The following HS2ST1 variants were observed in gnomAD, a reference collection of about 807,000 sequenced individuals.
The protein encoded by HS2ST1 is heparan sulfate 2-O-sulfotransferase 1, also known as 2-O-sulfotransferase.
A neutral mutation model predicts 42.9 loss-of-function variants in HS2ST1; 18 were observed. The observed-to-expected ratio is 0.42, with a 90% confidence interval of 0.29 to 0.62. The LOEUF is 0.62. HS2ST1 is among the 20% of genes least tolerant of loss of function. The pLI is 0.21. For missense variants in HS2ST1, 334 were observed against 433.8 expected (o/e 0.77, Z 2.04); for synonymous variants, 146 against 152.9 (o/e 0.95, Z 0.33).
chr1:86,964,944 T>C (rs1368485378), intron 1 of HS2ST1, among the ~76,000 whole-genome samples: 1 of 152,218 alleles, frequency 6.6e-6, no homozygotes, highest in Non-Finnish European at 1.5e-5. Flanking sequence ...GTAGTCATGG[T>C]AGATTTGCAC....
At chr1:86,965,232 C>G (rs1378164830) in intron 1 of HS2ST1, among the ~76,000 whole-genome samples, 3 of 152,082 alleles carry the variant, frequency 2.0e-5, no homozygotes, top group African/African-American at 7.2e-5. Context: ...CTGGCTCTCT[C>G]TTGTTCCTTC....
intron 1 of HS2ST1, among the ~76,000 whole-genome samples, chr1:87,026,204 G>T (rs1221802727): frequency 6.6e-6 from 1 of 152,114 alleles, no homozygotes; most frequent in Non-Finnish European, 1.5e-5. Flanking sequence ...ACAGTTCCCA[G>T]TGAAGTCACC....
intron 1 of HS2ST1, among the ~76,000 whole-genome samples, chr1:87,040,710 C>T (rs1650498797): frequency 6.6e-6 from 1 of 151,924 alleles, no homozygotes; most frequent in Admixed American, 6.6e-5. Flanking sequence ...TAATTAGGCA[C>T]ATAGGCAAGA....
At position 87,103,553 on chromosome 1, in the gene HS2ST1, C is replaced by T. The variant is rs199696267; in HGVS notation, c.808C>T (p.Arg270Trp). The change falls in exon 6 of 7, where the codon CGG becomes TGG. Residue 270 changes from arginine (R) to tryptophan (W), a missense_variant. Transcript: ENST00000370550. The stretch of plus-strand genomic sequence containing the variant: ...CATGTTATTGGAGGCAGCATTGCCC[C>T]GGTTTTTCAGGGGTGCTACTGAACT... Reference protein sequence around the residue: ...FIMLLEAALPRFFRGATELYR... With the variant: ...FIMLLEAALPWFFRGATELYR... 5.0e-6 allele frequency: 8 copies of T among 1,610,958 alleles called. No homozygotes were observed. The highest frequency in any genetic ancestry group is 1.3e-5 in the African/African-American group (1 of 74,714).
intron 1 of HS2ST1, among the ~76,000 whole-genome samples, chr1:86,923,331 G>A (rs1188944883): frequency 6.6e-6 from 1 of 151,886 alleles, no homozygotes; most frequent in Non-Finnish European, 1.5e-5. Flanking sequence ...GTGGCAGAAG[G>A]CAAGGAGAAG....
chr1:87,015,081 G>A (rs745739951), intron 1 of HS2ST1, among the ~76,000 whole-genome samples: 9 of 151,736 alleles, frequency 5.9e-5, no homozygotes, highest in East Asian at 1.9e-4. Context: ...ACAGAGTGTC[G>A]CTCTGTCACC....
chr1:87,034,898 G>A (rs889281293), intron 1 of HS2ST1, among the ~76,000 whole-genome samples: 1 of 152,194 alleles, frequency 6.6e-6, no homozygotes, highest in Admixed American at 6.5e-5. Flanking sequence ...AGGATCTTGA[G>A]ATGGGGCGAT....
intron 2 of HS2ST1, among the ~76,000 whole-genome samples, chr1:87,079,132 CT>C (rs11454448): frequency 0.038 from 5,563 of 147,834 alleles, 159 homozygotes; most frequent in African/African-American, 0.079. Flanking sequence ...GTAAATGATA[CT>C]TTTTTTTTTT....
chr1:86,944,231 A>G (rs570067617), intron 1 of HS2ST1, among the ~76,000 whole-genome samples: 1 of 152,300 alleles, frequency 6.6e-6, no homozygotes, highest in South Asian at 2.1e-4. Flanking sequence ...GAAGACAGGG[A>G]ACTTCTGAGG....
chr1:87,041,223 A>C, intron 1 of HS2ST1, among the ~76,000 whole-genome samples: 2 of 76,792 alleles, frequency 2.6e-5, no homozygotes, highest in Admixed American at 2.2e-4. Flanking sequence ...CCTTGTCTCT[A>C]CTAAAAAAAA....
intron 1 of HS2ST1, among the ~76,000 whole-genome samples, chr1:87,007,834 A>T (rs140503973): frequency 1.3e-5 from 2 of 152,094 alleles, no homozygotes; most frequent in African/African-American, 4.8e-5. Context: ...TGCTGTGTTT[A>T]TTATTTTCTG....
chr1:87,057,565 C>CTTT (rs33933183), intron 1 of HS2ST1, among the ~76,000 whole-genome samples: 23 of 141,322 alleles, frequency 1.6e-4, no homozygotes, highest in African/African-American at 2.3e-4. Flanking sequence ...CCAGAAGGCA[C>CTTT]TTTTTTTTTT....
intron 2 of HS2ST1, 44 bp from the exon 3 acceptor site, chr1:87,084,150 A>T (rs1247741483): frequency 8.0e-7 from 1 of 1,252,552 alleles, no homozygotes; most frequent in South Asian, 1.5e-5. Flanking sequence ...ATCAAATTTC[A>T]TTTTCTTTAA....
intron 2 of HS2ST1, among the ~76,000 whole-genome samples, chr1:87,080,043 C>A (rs948397569): frequency 1.3e-5 from 2 of 151,978 alleles, no homozygotes; most frequent in Non-Finnish European, 2.9e-5. Context: ...GAATGAGATT[C>A]TGTCTCAAGA....
chr1:86,962,354 T>G (rs1647871524), intron 1 of HS2ST1, among the ~76,000 whole-genome samples: 2 of 152,072 alleles, frequency 1.3e-5, no homozygotes, highest in Admixed American at 1.3e-4. Context: ...ATAACACAGA[T>G]AATTATAAAA....
intron 4 of HS2ST1, among the ~76,000 whole-genome samples, chr1:87,095,822 C>A (rs1430050158): frequency 6.6e-6 from 1 of 151,904 alleles, no homozygotes; most frequent in Non-Finnish European, 1.5e-5. Flanking sequence ...AATATTAAAA[C>A]AATAGTAAAG....
intron 4 of HS2ST1, among the ~76,000 whole-genome samples, chr1:87,095,867 A>G (rs1284476246): frequency 1.3e-5 from 2 of 152,028 alleles, no homozygotes; most frequent in South Asian, 2.1e-4. Flanking sequence ...TTTAATGCAC[A>G]TAACTATTTC....
At chr1:87,059,274 T>C (rs112990157) in intron 1 of HS2ST1, among the ~76,000 whole-genome samples, 105 of 152,348 alleles carry the variant, frequency 6.9e-4, no homozygotes, top group African/African-American at 2.5e-3. Context: ...CTCAGGCTTT[T>C]ATGCCTTCTC....
intron 5 of HS2ST1, among the ~76,000 whole-genome samples, chr1:87,099,001 C>T (rs981451423): frequency 5.9e-5 from 9 of 152,158 alleles, no homozygotes. Flanking sequence ...TGGTCTCGAA[C>T]TCCTGACCTC....
Sources: allele counts gnomAD v4.1 joint callset (sites outside exome capture counted in the v4.1 genomes callset), GRCh38; gene constraint gnomAD v4.1.1; transcripts MANE v1.5; gene names NCBI Gene and HGNC (gene_info 2026-07-23, HGNC 2026-07-21).